The following SPAG17 variants were observed in gnomAD, a reference collection of about 807,000 sequenced individuals.
SPAG17 encodes sperm associated antigen 17, also known as sperm-associated antigen 17.
Under a neutral mutation model 273.6 loss-of-function variants are expected in SPAG17, and 169 were observed. That is an observed-to-expected ratio of 0.62 (90% CI 0.55 to 0.70). SPAG17 has a LOEUF of 0.70. Ranked by LOEUF, SPAG17 falls within the 30% of genes least tolerant of loss-of-function variation. SPAG17 has a pLI of 0.00. For synonymous variants in SPAG17, 825 were observed against 873.2 expected, an observed-to-expected ratio of 0.94 and a Z score of 0.97; for missense variants, 2,557 against 2,627.8, an observed-to-expected ratio of 0.97 and a Z score of 0.59.
chr1:118,066,672 C>T (rs1352055542), intron 18 of SPAG17, 73 bp downstream of exon 18: 8 of 1,337,474 alleles, frequency 6.0e-6, no homozygotes, highest in Middle Eastern at 2.2e-4. Flanking sequence ...GGAACTAACA[C>T]CTAAGTAACT....
chr1:117,969,230 T>C (rs1434906027), intron 46 of SPAG17, among the ~76,000 whole-genome samples: 2 of 152,214 alleles, frequency 1.3e-5, no homozygotes, highest in East Asian at 3.8e-4. Flanking sequence ...GTTGACATTT[T>C]GTATTTTGTA....
At chr1:118,054,855 T>C (rs1004119630) in intron 19 of SPAG17, among the ~76,000 whole-genome samples, 2 of 152,038 alleles carry the variant, frequency 1.3e-5, no homozygotes, top group African/African-American at 4.8e-5. Context: ...TTTTATATGG[T>C]TTACTTTAAA....
At chr1:118,028,960 T>C (rs1291104006) in intron 25 of SPAG17, among the ~76,000 whole-genome samples, 1 of 152,182 alleles carries the variant, frequency 6.6e-6, no homozygotes, top group East Asian at 1.9e-4. Context: ...ACCATCTCTA[T>C]GAGGAATAGC....
intron 15 of SPAG17, among the ~76,000 whole-genome samples, chr1:118,077,026 C>G (rs1198960117): frequency 6.6e-6 from 1 of 152,038 alleles, no homozygotes; most frequent in East Asian, 1.9e-4. Flanking sequence ...GATGGAAATC[C>G]AGTATTTGGT....
chr1:118,130,104 C>T (rs1443335487), intron 3 of SPAG17, among the ~76,000 whole-genome samples: 1 of 152,162 alleles, frequency 6.6e-6, no homozygotes, highest in African/African-American at 2.4e-5. Flanking sequence ...CCTTGAATTT[C>T]CTTGTCCTCC....
intron 32 of SPAG17, among the ~76,000 whole-genome samples, chr1:118,002,226 G>GA (rs1435163278): frequency 6.6e-6 from 1 of 152,162 alleles, no homozygotes; most frequent in African/African-American, 2.4e-5. Flanking sequence ...ATTTGCTGAG[G>GA]AGTGCTTTAC....
chr1:118,158,210 G>A (rs1659748188), intron 1 of SPAG17, among the ~76,000 whole-genome samples: 1 of 152,210 alleles, frequency 6.6e-6, no homozygotes, highest in Admixed American at 6.5e-5. Flanking sequence ...TGTGAGTGTG[G>A]CAGGAGAAAT....
At position 118,074,680 on chromosome 1, in the gene SPAG17, G is replaced by A. The variant is rs1653928060; in HGVS notation, c.2210-80C>T. 2.4e-6 allele frequency: 3 copies of A among 1,271,196 alleles called. No individual in the cohort carries two copies. In the East Asian group the frequency reaches 6.9e-5, roughly 29 times the overall value. 78.7% of individuals were successfully genotyped at this position (1,271,196 alleles called of 1,614,324 possible). A position where few individuals can be genotyped will look rare whatever the true frequency, so the allele number is the denominator to read the frequency against. On this transcript the variant is annotated intron_variant, in intron 15 of 48. Transcript: ENST00000336338. The stretch of plus-strand genomic sequence containing the variant: ...CTGGTTAATGCTGTGCTTTTTTGTT[G>A]CCCATATGATCTATGTTTCTGTGCT...
At chr1:118,115,171 A>G (rs1558023436) in intron 4 of SPAG17, 139 bp downstream of exon 4, 1 of 833,168 alleles carries the variant, frequency 1.2e-6, no homozygotes, top group Non-Finnish European at 2.0e-6. Flanking sequence ...CCTTTCCCTA[A>G]GAAGTTGAGG....
intron 3 of SPAG17, among the ~76,000 whole-genome samples, chr1:118,137,421 C>T (rs994486859): frequency 6.6e-6 from 1 of 152,174 alleles, no homozygotes; most frequent in Non-Finnish European, 1.5e-5. Context: ...GTACCAGGTA[C>T]TATGCAGGGC....
intron 3 of SPAG17, among the ~76,000 whole-genome samples, chr1:118,136,801 A>ATGTG (rs5777337): frequency 2.5e-3 from 374 of 147,252 alleles, no homozygotes; most frequent in African/African-American, 8.4e-3. Context: ...GTGTGTGTGT[A>ATGTG]TGTGTGTGTG....
At chr1:117,968,367 A>G (rs1038528271) in intron 46 of SPAG17, among the ~76,000 whole-genome samples, 7 of 152,180 alleles carry the variant, frequency 4.6e-5, no homozygotes, top group African/African-American at 1.7e-4. Flanking sequence ...TTTAAATTAA[A>G]ATGAGATTTG....
At chr1:117,969,924 T>A (rs1166786045) in intron 46 of SPAG17, 132 bp downstream of exon 46, 1 of 771,512 alleles carries the variant, frequency 1.3e-6, no homozygotes, top group East Asian at 2.8e-5. Flanking sequence ...GCTTATGATA[T>A]TAAAAACAGT....
chr1:118,081,418 C>T lies in SPAG17; in HGVS notation c.1987G>A (p.Ala663Thr). ...KMNTQEAKQK[A>T]DIKIKDRTLF... ...CCATTCCCTCCATGCAGTGTACCTG[C>T]TTTCTGCTTGGCCTCTTGAGTATTC... Residue 663 changes from alanine to threonine, a missense_variant, in exon 14 of 49, where the codon GCA becomes ACA. By Grantham distance (58) the Ala-to-Thr change is moderately conservative. Coordinates refer to ENST00000336338, the MANE Select transcript of SPAG17 (RefSeq NM_206996.4). The T allele has an allele frequency of 6.2e-7, 1 of 1,613,714 alleles. No individual in the cohort carries two copies. Among genetic ancestry groups the T allele is most frequent in the South Asian group, 1.1e-5 (1 of 91,066 alleles).
At chr1:118,073,175 G>T (rs191929087) in intron 17 of SPAG17, among the ~76,000 whole-genome samples, 104 of 152,292 alleles carry the variant, frequency 6.8e-4, no homozygotes, top group Admixed American at 2.0e-3. Flanking sequence ...ACAACAAAAG[G>T]ATTTAGGTTT....
In SPAG17 at chr1:118,041,971, C is replaced by G. The variant is rs1285987579; in HGVS notation, c.2886G>C (p.Lys962Asn). ...CTTTCTTTTTACCAGCTTCTTTACC[C>G]TTCTTCTCTGCTTTCTTTTCTTCCC... is the stretch of plus-strand genomic sequence containing the variant. ...RLREEKKAEK[K>N]GKEAGKKKGK... The change falls in exon 21 of 49, where the codon AAG (lysine) becomes AAC (asparagine). Residue 962 changes from lysine (K) to asparagine (N), a missense_variant. Transcript: ENST00000336338. The G allele has an allele frequency of 1.9e-6, 3 of 1,613,768 alleles. No individual in the cohort carries two copies. The highest frequency in any genetic ancestry group is 2.5e-6 in the Non-Finnish European group (3 of 1,179,790).
intron 25 of SPAG17, among the ~76,000 whole-genome samples, chr1:118,029,486 AT>A (rs1258784485): frequency 1.3e-5 from 2 of 152,208 alleles, no homozygotes; most frequent in Non-Finnish European, 2.9e-5. Context: ...ATATTATGTT[AT>A]TAGGATATCT....
At position 118,031,999 on chromosome 1, in the gene SPAG17, T is replaced by A. The variant is rs1648530621; in HGVS notation, c.3434-132A>T. On this transcript the variant is annotated intron_variant, in intron 24 of 48. Transcript: ENST00000336338. Reference sequence around the variant, plus strand: ...TACCTTGCTAAATATGATTTATCAGTTGGATAGATTTCAGGAGTAATGAAG... The same window carrying A: ...TACCTTGCTAAATATGATTTATCAGATGGATAGATTTCAGGAGTAATGAAG... 1.7e-5 allele frequency: 12 copies of A among 695,196 alleles called. No homozygotes were observed. In the South Asian group the frequency reaches 2.6e-4, roughly 15 times the overall value. The allele number at this position is 695,196 out of a possible 1,614,324, so 43.1% of individuals were successfully genotyped here.
intron 32 of SPAG17, among the ~76,000 whole-genome samples, chr1:118,001,322 A>T (rs1355272957): frequency 6.6e-6 from 1 of 152,156 alleles, no homozygotes; most frequent in Non-Finnish European, 1.5e-5. Context: ...TGTCAGGATG[A>T]TGTTGGCCTC....
Sources: allele counts gnomAD v4.1 joint callset (sites outside exome capture counted in the v4.1 genomes callset), GRCh38; gene constraint gnomAD v4.1.1; transcripts MANE v1.5; gene names NCBI Gene and HGNC (gene_info 2026-07-23, HGNC 2026-07-21).